GNS: variants seen among roughly 807,000 people sequenced by gnomAD.
GNS encodes the protein glucosamine (N-acetyl)-6-sulfatase.
GNS carries 40 observed loss-of-function variants against 69.7 expected under a neutral mutation model. The ratio of observed to expected loss-of-function variants is 0.57; its 90% CI spans 0.45 to 0.75. The LOEUF is 0.75. GNS is among the 30% of genes least tolerant of loss of function. The pLI is 0.00. For synonymous variants in GNS, 243 were observed against 251.6 expected (o/e 0.97, Z 0.32); for missense variants, 565 against 685.5 (o/e 0.82, Z 1.96).
intron 13 of GNS, among the ~76,000 whole-genome samples, chr12:64,719,377 G>T (rs572840360): frequency 6.6e-6 from 1 of 152,278 alleles, no homozygotes; most frequent in East Asian, 1.9e-4. Flanking sequence ...AAAGATAAAT[G>T]ACAAGGTTCC....
intron 9 of GNS, among the ~76,000 whole-genome samples, chr12:64,734,038 C>T (rs1345305718): frequency 1.3e-5 from 2 of 152,234 alleles, no homozygotes; most frequent in Non-Finnish European, 2.9e-5. Flanking sequence ...AAGCCTGTGC[C>T]ACTCACACAG....
chr12:64,731,854 T>C (rs1035622440), intron 9 of GNS, among the ~76,000 whole-genome samples: 2 of 152,136 alleles, frequency 1.3e-5, no homozygotes, highest in Non-Finnish European at 2.9e-5. Context: ...GAGGATCACT[T>C]GAGCTCAGGA....
rs536602674 is a variant in GNS at position 64,716,481 on chromosome 12, G to A, written c.*260C>T. The A allele has an allele frequency of 3.5e-5, 18 of 518,676 alleles. No individual in the cohort carries two copies. The highest frequency in any genetic ancestry group is 1.0e-4 in the East Asian group (3 of 28,880). 32.1% of individuals were successfully genotyped at this position (518,676 alleles called of 1,614,324 possible). A position where few individuals can be genotyped will look rare whatever the true frequency, so the allele number is the denominator to read the frequency against. On this transcript the variant is annotated 3_prime_UTR_variant, in exon 14 of 14. Transcript: ENST00000258145. ...GGCCCCAGGATAAAAAGAATACAGTGAGAACAAAGACCTCAGGAGTGTCCT... is the reference window on the plus strand; with the variant it reads ...GGCCCCAGGATAAAAAGAATACAGTAAGAACAAAGACCTCAGGAGTGTCCT...
intron 6 of GNS, 82 bp downstream of exon 6, chr12:64,743,059 A>G (rs921005315): frequency 3.6e-5 from 38 of 1,068,052 alleles, no homozygotes; most frequent in Non-Finnish European, 5.6e-5. Context: ...AACCCACTAC[A>G]TGGCTCAAAG....
chr12:64,744,803 A>G lies in GNS; in HGVS notation c.624+6T>C, dbSNP rs765469270. ...AGGACAGAGCTACAAAGCTTCTGCAACTCACCAAAACATCTGTCAGGTAGT... is the reference window on the plus strand; with the variant it reads ...AGGACAGAGCTACAAAGCTTCTGCAGCTCACCAAAACATCTGTCAGGTAGT... On this transcript the variant is annotated splice_donor_region_variant and intron_variant, in intron 5 of 13. Transcript: ENST00000258145. 3 of 1,382,328 alleles carry G rather than the reference A, an allele frequency of 2.2e-6. No homozygotes were observed. The highest frequency in any genetic ancestry group is 2.1e-6 in the Non-Finnish European group (2 of 968,102). The allele number at this position is 1,382,328 out of a possible 1,614,324, so 85.6% of individuals were successfully genotyped here.
chr12:64,744,713 C>T, intron 5 of GNS, 96 bp downstream of exon 5: 2 of 752,730 alleles, frequency 2.7e-6, no homozygotes, highest in East Asian at 2.5e-5. Flanking sequence ...TATTACCCAA[C>T]ACAAACGAAT....
At chr12:64,747,277 AAAAGATTCTAAGAAATCTGAGG>A (rs1869924370) in intron 3 of GNS, among the ~76,000 whole-genome samples, 1 of 152,254 alleles carries the variant, frequency 6.6e-6, no homozygotes, top group African/African-American at 2.4e-5. Context: ...TATAATTCAG[AAAAGATTCTAAGAAATCTGAGG>A]AAAGATTCTA....
rs1870265126 is a variant in GNS, at chr12:64,756,807, A to AGGG, written c.192+2277_192+2278insCCC. The AGGG allele has an allele frequency of 4.0e-6, 4 of 997,838 alleles. No homozygotes were observed. The South Asian group carries it at 5.5e-5, about 14-fold the overall frequency. The allele number at this position is 997,838 out of a possible 1,614,324, so 61.8% of individuals were successfully genotyped here. On this transcript the variant is annotated intron_variant, in intron 1 of 13. Transcript: ENST00000258145. ...TCTTGAGTTTGGAACATTAAGTTTG[A>AGGG]CTTATGCCCTCCACTCAATTTTGGT...
rs2136237942 is a variant in GNS at position 64,723,117 on chromosome 12, G to A, written c.1201-4C>T. On this transcript the variant is annotated splice_polypyrimidine_tract_variant and splice_region_variant and intron_variant, in intron 10 of 13. Transcript: ENST00000258145. ...AGGTCAAGTTACTGGCACCTCTCTA[G>A]AAAGAAGAGCAAGTGGAATTTCTGT... is the stretch of plus-strand genomic sequence containing the variant. 1 of 1,555,486 alleles carries A rather than the reference G, an allele frequency of 6.4e-7. No individual in the cohort carries two copies. Among genetic ancestry groups the A allele is most frequent in the Non-Finnish European group, 8.9e-7 (1 of 1,126,498 alleles).
chr12:64,743,631 G>A (rs112920559), intron 5 of GNS, among the ~76,000 whole-genome samples: 72 of 152,274 alleles, frequency 4.7e-4, no homozygotes, highest in African/African-American at 1.6e-3. Context: ...CACTAATGGA[G>A]ATTATGGTAT....
chr12:64,743,953 C>T (rs1015741537), intron 5 of GNS, among the ~76,000 whole-genome samples: 2 of 152,180 alleles, frequency 1.3e-5, no homozygotes, highest in Non-Finnish European at 2.9e-5. Flanking sequence ...CTGACTGTAT[C>T]TATCTCCTAT....
At chr12:64,728,559 T>C (rs971610440) in intron 10 of GNS, among the ~76,000 whole-genome samples, 7 of 152,264 alleles carry the variant, frequency 4.6e-5, no homozygotes, top group Admixed American at 1.3e-4. Flanking sequence ...TTTCTGTGAT[T>C]AGCACTGAAG....
At chr12:64,734,803 T>G (rs981753833) in intron 9 of GNS, among the ~76,000 whole-genome samples, 3 of 152,176 alleles carry the variant, frequency 2.0e-5, no homozygotes, top group African/African-American at 7.2e-5. Context: ...GACACAAGGA[T>G]TTAAGAACTG....
chr12:64,724,917 G>A (rs1010848617), intron 10 of GNS, among the ~76,000 whole-genome samples: 1 of 152,204 alleles, frequency 6.6e-6, no homozygotes, highest in Non-Finnish European at 1.5e-5. Flanking sequence ...ATGGAAGCCA[G>A]AAGGTGGAAT....
intron 1 of GNS, among the ~76,000 whole-genome samples, chr12:64,756,978 A>T (rs1870271443): frequency 6.6e-6 from 1 of 152,208 alleles, no homozygotes; most frequent in East Asian, 1.9e-4. Flanking sequence ...CAGGAGTTCA[A>T]GACCGACTTG....
chr12:64,753,096 A>C (rs1007191998), intron 1 of GNS: 2 of 309,180 alleles, frequency 6.5e-6, no homozygotes, highest in Non-Finnish European at 6.1e-6. Context: ...GATGTGGGAA[A>C]TGATATAAAG....
Position 64,743,328 on chromosome 12 carries a change from G to A in GNS, c.625-20C>T. ...ATTAGCCTGACACATAAAAAGATTT[G>A]TCATCTCCTACCTTACCCAACAGAT... is the stretch of plus-strand genomic sequence containing the variant. On this transcript the variant is annotated intron_variant, in intron 5 of 13. Coordinates refer to ENST00000258145, the MANE Select transcript of GNS (RefSeq NM_002076.4). The A allele has an allele frequency of 1.9e-6, 3 of 1,581,286 alleles. No individual in the cohort carries two copies. The highest frequency in any genetic ancestry group is 2.6e-6 in the Non-Finnish European group (3 of 1,150,460).
At chr12:64,732,585 C>A (rs1020838181) in intron 9 of GNS, among the ~76,000 whole-genome samples, 23 of 151,684 alleles carry the variant, frequency 1.5e-4, no homozygotes, top group African/African-American at 5.1e-4. Flanking sequence ...CTCAGTCTCC[C>A]GAGTAACTGG....
Position 64,759,171 on chromosome 12 carries a change from C to T in GNS, c.106G>A (p.Gly36Arg), listed in dbSNP as rs1870387399. ...LLLLVLGGCL[G>R]VFGVAAGTRR... ...GTTCCCGCAGCCACCCCGAAGACCC[C>T]CAGGCAGCCGCCCAGCACCAGCAGT... is the stretch of plus-strand genomic sequence containing the variant. The change falls in exon 1 of 14, where the codon GGG becomes AGG. Residue 36 changes from glycine (G) to arginine (R), a missense_variant. By Grantham distance (125) the Gly-to-Arg change is moderately radical. Around this residue, in one of 2 missense-constraint regions of GNS, gnomAD observed 181 missense variants for 174.4 expected, o/e 1.04. Coordinates refer to ENST00000258145, the MANE Select transcript of GNS (RefSeq NM_002076.4). The T allele has an allele frequency of 2.6e-6, 4 of 1,552,632 alleles. No homozygotes were observed.
Sources: allele counts gnomAD v4.1 joint callset (sites outside exome capture counted in the v4.1 genomes callset), GRCh38; gene constraint gnomAD v4.1.1; regional missense constraint gnomAD v4.1.1; transcripts MANE v1.5; gene names NCBI Gene and HGNC (gene_info 2026-07-23, HGNC 2026-07-21).